PDE7B: variants seen among roughly 807,000 people sequenced by gnomAD.
PDE7B encodes phosphodiesterase 7B.
PDE7B carries 29 observed loss-of-function variants against 56.2 expected under a neutral mutation model. That is an observed-to-expected ratio of 0.52 (90% CI 0.38 to 0.70). The LOEUF is 0.70. Among genes scored for constraint, PDE7B ranks in the 30% least tolerant of loss-of-function variants. PDE7B has a pLI of 0.00. For synonymous variants in PDE7B, 197 were observed against 196.9 expected (o/e 1.00, Z 0.00); for missense variants, 490 against 565.0 (o/e 0.87, Z 1.35).
At chr6:135,996,594 T>G (rs1474141736) in intron 2 of PDE7B, among the ~76,000 whole-genome samples, 1 of 152,258 alleles carries the variant, frequency 6.6e-6, no homozygotes, top group Non-Finnish European at 1.5e-5. Context: ...TTAACCCATT[T>G]AGACAATCTA....
At chr6:136,126,061 A>G (rs1325925238) in intron 3 of PDE7B, among the ~76,000 whole-genome samples, 2 of 152,230 alleles carry the variant, frequency 1.3e-5, no homozygotes, top group Admixed American at 1.3e-4. Context: ...TTCAATAAGT[A>G]AATACTTGGG....
At chr6:135,977,866 A>C (rs1775218963) in intron 2 of PDE7B, among the ~76,000 whole-genome samples, 1 of 152,132 alleles carries the variant, frequency 6.6e-6, no homozygotes, top group South Asian at 2.1e-4. Flanking sequence ...AGTAATGGCA[A>C]AACCGCAATT....
intron 2 of PDE7B, among the ~76,000 whole-genome samples, chr6:135,956,677 G>A (rs1774800249): frequency 6.6e-6 from 1 of 152,100 alleles, no homozygotes; most frequent in Non-Finnish European, 1.5e-5. Flanking sequence ...CTACTCAGGA[G>A]GCTGAGGTGG....
chr6:136,008,054 A>G (rs1364107906), intron 2 of PDE7B, among the ~76,000 whole-genome samples: 1 of 150,820 alleles, frequency 6.6e-6, no homozygotes, highest in Non-Finnish European at 1.5e-5. Context: ...TCATTGTTCA[A>G]TTCCCACCTA....
At chr6:136,002,468 G>C (rs1305780798) in intron 2 of PDE7B, among the ~76,000 whole-genome samples, 1 of 152,132 alleles carries the variant, frequency 6.6e-6, no homozygotes, top group Non-Finnish European at 1.5e-5. Context: ...CTCACGTGCA[G>C]AGACACACAT....
At chr6:136,056,499 T>G (rs1235962339) in intron 2 of PDE7B, among the ~76,000 whole-genome samples, 2 of 149,146 alleles carry the variant, frequency 1.3e-5, no homozygotes, top group Admixed American at 6.7e-5. Context: ...TGAGCTCCTT[T>G]GCAGATAGAA....
At chr6:135,964,522 A>G (rs1383804091) in intron 2 of PDE7B, among the ~76,000 whole-genome samples, 1 of 152,228 alleles carries the variant, frequency 6.6e-6, no homozygotes, top group Non-Finnish European at 1.5e-5. Flanking sequence ...AGCAGTGTCA[A>G]GTAACAGTCA....
intron 1 of PDE7B, among the ~76,000 whole-genome samples, chr6:135,906,818 T>TG (rs1440001507): frequency 9.7e-5 from 14 of 144,208 alleles, no homozygotes; most frequent in Non-Finnish European, 2.1e-4. Context: ...TTGTTTTTTT[T>TG]TTTTTTTTTT....
chr6:136,052,149 C>T (rs1470333736), intron 2 of PDE7B, among the ~76,000 whole-genome samples: 1 of 151,396 alleles, frequency 6.6e-6, no homozygotes, highest in Admixed American at 6.6e-5. Flanking sequence ...AATGTAAGTA[C>T]ACAAGCACAT....
At chr6:136,016,223 C>T (rs937741982) in intron 2 of PDE7B, among the ~76,000 whole-genome samples, 7 of 152,164 alleles carry the variant, frequency 4.6e-5, no homozygotes, top group South Asian at 4.1e-4. Context: ...GGTCCTATTT[C>T]GAAGCATTGC....
At chr6:135,890,260 G>A (rs555653780) in intron 1 of PDE7B, among the ~76,000 whole-genome samples, 4 of 152,166 alleles carry the variant, frequency 2.6e-5, no homozygotes, top group African/African-American at 7.2e-5. Context: ...GTGGACAAGC[G>A]AAGAATTTCC....
At chr6:136,142,807 G>A (rs1778350787) in intron 3 of PDE7B, among the ~76,000 whole-genome samples, 1 of 151,852 alleles carries the variant, frequency 6.6e-6, no homozygotes, top group Admixed American at 6.6e-5. Flanking sequence ...TTTCTTGGTA[G>A]ATCTTCCTCC....
At chr6:136,003,644 T>G (rs2128206338) in intron 2 of PDE7B, among the ~76,000 whole-genome samples, 1 of 152,252 alleles carries the variant, frequency 6.6e-6, no homozygotes, top group East Asian at 1.9e-4. Context: ...CTCCCAAGAC[T>G]AAACCAGGAA....
intron 2 of PDE7B, among the ~76,000 whole-genome samples, chr6:136,068,554 A>C (rs542530266): frequency 1.3e-4 from 19 of 150,668 alleles, no homozygotes; most frequent in Non-Finnish European, 2.5e-4. Flanking sequence ...CCTCAGCCTC[A>C]AGAGTAGCTG....
chr6:136,017,417 A>AT (rs1163417773), intron 2 of PDE7B, among the ~76,000 whole-genome samples: 1 of 152,072 alleles, frequency 6.6e-6, no homozygotes, highest in Non-Finnish European at 1.5e-5. Context: ...ATGTATACAT[A>AT]TGCCATGTTG....
intron 3 of PDE7B, among the ~76,000 whole-genome samples, chr6:136,138,670 A>T (rs1778257530): frequency 6.6e-6 from 1 of 152,094 alleles, no homozygotes; most frequent in Admixed American, 6.6e-5. Flanking sequence ...TTTGCTTGTT[A>T]ATTAAAGGAT....
chr6:135,851,950 T>C lies in PDE7B; in HGVS notation c.-49T>C, dbSNP rs762277833. On this transcript the variant is annotated 5_prime_UTR_variant, in exon 1 of 13. Coordinates refer to ENST00000308191, the MANE Select transcript of PDE7B (RefSeq NM_018945.4). ...AGTCTTCATGAACAAGCAGCACCGCTCAGAGATTTCACGGCATTCAAAGGT... is the reference window on the plus strand; with the variant it reads ...AGTCTTCATGAACAAGCAGCACCGCCCAGAGATTTCACGGCATTCAAAGGT... The C allele has an allele frequency of 4.0e-6, 6 of 1,487,260 alleles. No homozygotes were observed. The Admixed American group carries it at 1.0e-4, about 25-fold the overall frequency. The allele number at this position is 1,487,260 out of a possible 1,614,324, so 92.1% of individuals were successfully genotyped here.
chr6:135,903,367 C>T (rs1049136376), intron 1 of PDE7B, among the ~76,000 whole-genome samples: 1 of 152,168 alleles, frequency 6.6e-6, no homozygotes, highest in Non-Finnish European at 1.5e-5. Context: ...TGAGTTCTAA[C>T]CCATCTGTGT....
At chr6:135,872,844 C>T (rs1443632179) in intron 1 of PDE7B, among the ~76,000 whole-genome samples, 1 of 152,080 alleles carries the variant, frequency 6.6e-6, no homozygotes, top group African/African-American at 2.4e-5. Context: ...GAAAACATAA[C>T]CTTATTTAAT....
Sources: gnomAD v4.1 joint callset for allele counts (sites outside exome capture counted in the v4.1 genomes callset) on GRCh38, gnomAD v4.1.1 for gene constraint, MANE v1.5 for transcripts, NCBI Gene and HGNC (gene_info 2026-07-23, HGNC 2026-07-21) for gene names.